MAF: variants seen among roughly 807,000 people sequenced by gnomAD.
MAF encodes the protein MAF bZIP transcription factor.
Under a neutral mutation model 22.0 loss-of-function variants are expected in MAF, and 10 were observed. That is an observed-to-expected ratio of 0.45 (90% CI 0.28 to 0.77). MAF has a LOEUF of 0.77. MAF is among the 30% of genes least tolerant of loss of function. The pLI, the probability that MAF is intolerant of heterozygous loss-of-function variation, is 0.12. For missense variants in MAF, 544 were observed against 548.4 expected (o/e 0.99, Z 0.08); for synonymous variants, 337 against 255.8 (o/e 1.32, Z -3.03).
chr16:79,516,292 A>T, the MAF span: 1 of 152,196 alleles, frequency 6.6e-6, no homozygotes, highest in Admixed American at 6.5e-5. Flanking sequence ...TTACATTTTA[A>T]AATTTAAGAG....
chr16:79,308,179 A>T, the MAF span, among the ~76,000 whole-genome samples: 1 of 152,242 alleles, frequency 6.6e-6, no homozygotes, highest in Non-Finnish European at 1.5e-5. Context: ...AATACGGATC[A>T]CTGCAGCTGA....
At chr16:79,562,397 G>C in the MAF span, among the ~76,000 whole-genome samples, 1 of 152,184 alleles carries the variant, frequency 6.6e-6, no homozygotes, top group East Asian at 1.9e-4. Context: ...TAAATGGATG[G>C]AAGGATAAGG....
the MAF span, among the ~76,000 whole-genome samples, chr16:79,384,834 G>A: frequency 1.1e-3 from 168 of 152,304 alleles, 1 homozygote; most frequent in African/African-American, 3.7e-3. Context: ...GAAGTTACAC[G>A]AATACTGTCC....
chr16:79,354,148 C>T, the MAF span, among the ~76,000 whole-genome samples: 1 of 152,018 alleles, frequency 6.6e-6, no homozygotes, highest in African/African-American at 2.4e-5. Flanking sequence ...GTGCGCACCA[C>T]CGTGACTAAT....
chr16:79,373,785 A>G, the MAF span, among the ~76,000 whole-genome samples: 1 of 152,122 alleles, frequency 6.6e-6, no homozygotes, highest in South Asian at 2.1e-4. Context: ...AGCAGCAAGA[A>G]GGCCCTCACC....
At chr16:79,484,072 C>G in the MAF span, among the ~76,000 whole-genome samples, 1 of 152,158 alleles carries the variant, frequency 6.6e-6, no homozygotes, top group Non-Finnish European at 1.5e-5. Flanking sequence ...TGAGAGCTTC[C>G]TCCCATTCTC....
At chr16:79,442,635 C>A in the MAF span, among the ~76,000 whole-genome samples, 1 of 152,192 alleles carries the variant, frequency 6.6e-6, no homozygotes. Context: ...CAGCCTCAGA[C>A]TCCTGGGTTC....
the MAF span, among the ~76,000 whole-genome samples, chr16:79,488,811 A>G: frequency 6.6e-6 from 1 of 152,186 alleles, no homozygotes; most frequent in Non-Finnish European, 1.5e-5. Context: ...GGAGCATATC[A>G]TGAGGACTAA....
At chr16:79,314,957 T>G in the MAF span, among the ~76,000 whole-genome samples, 1 of 152,188 alleles carries the variant, frequency 6.6e-6, no homozygotes, top group African/African-American at 2.4e-5. Context: ...GCAAAATCAA[T>G]TATTTCTCCA....
chr16:79,597,706 G>A (rs1461659731), intron 1 of MAF: 1 of 1,019,086 alleles, frequency 9.8e-7, no homozygotes, highest in Non-Finnish European at 1.2e-6. Flanking sequence ...ACAAAAGTAT[G>A]AATGCCATGC....
At chr16:79,260,735 T>C in the MAF span, among the ~76,000 whole-genome samples, 2 of 152,146 alleles carry the variant, frequency 1.3e-5, no homozygotes, top group African/African-American at 4.8e-5. Context: ...ATGTTCTTCA[T>C]TTTCACAGAG....
At chr16:79,455,233 G>A in the MAF span, among the ~76,000 whole-genome samples, 1 of 152,048 alleles carries the variant, frequency 6.6e-6, no homozygotes, top group African/African-American at 2.4e-5. Flanking sequence ...TGAAGCCATG[G>A]TATATTCCAA....
At chr16:79,486,368 G>A in the MAF span, among the ~76,000 whole-genome samples, 18 of 152,152 alleles carry the variant, frequency 1.2e-4, no homozygotes, top group East Asian at 1.9e-4. Flanking sequence ...TCTTAGATTC[G>A]CCCTGGTCAT....
At chr16:79,419,871 T>A in the MAF span, among the ~76,000 whole-genome samples, 7 of 152,006 alleles carry the variant, frequency 4.6e-5, no homozygotes, top group Non-Finnish European at 8.8e-5. Flanking sequence ...AAACTTTGCT[T>A]TCTTTGGTCA....
chr16:79,387,904 T>G, the MAF span, among the ~76,000 whole-genome samples: 3 of 152,246 alleles, frequency 2.0e-5, no homozygotes, highest in Non-Finnish European at 2.9e-5. Context: ...AGAAGTTTTA[T>G]TCAATGAGTC....
the MAF span, among the ~76,000 whole-genome samples, chr16:79,550,028 C>G: frequency 6.6e-6 from 1 of 152,108 alleles, no homozygotes; most frequent in African/African-American, 2.4e-5. Context: ...CTTTCTGTCA[C>G]TAATGTTTTA....
At chr16:79,457,557 G>A in the MAF span, among the ~76,000 whole-genome samples, 72 of 152,158 alleles carry the variant, frequency 4.7e-4, no homozygotes, top group South Asian at 6.2e-3. Flanking sequence ...GACAATAGTG[G>A]AGCTATGAAA....
chr16:79,523,253 C>A, the MAF span, among the ~76,000 whole-genome samples: 1 of 152,160 alleles, frequency 6.6e-6, no homozygotes, highest in Non-Finnish European at 1.5e-5. Context: ...GAATTCTCTA[C>A]CATAGCAAAG....
the MAF span, among the ~76,000 whole-genome samples, chr16:79,261,066 T>G: frequency 6.6e-6 from 1 of 152,088 alleles, no homozygotes; most frequent in East Asian, 1.9e-4. Flanking sequence ...CGAGAAGCAG[T>G]GGGGTGAAAG....
Sources: gnomAD v4.1 joint callset for allele counts (sites outside exome capture counted in the v4.1 genomes callset) on GRCh38, gnomAD v4.1.1 for gene constraint, MANE v1.5 for transcripts, NCBI Gene and HGNC (gene_info 2026-07-23, HGNC 2026-07-21) for gene names.